PTH: variants seen among roughly 807,000 people sequenced by gnomAD.
PTH encodes parathormone.
A neutral mutation model predicts 7.4 loss-of-function variants in PTH; 7 were observed. That is an observed-to-expected ratio of 0.94 (90% CI 0.53 to 1.77). The LOEUF (loss-of-function observed/expected upper bound fraction) is 1.77, where lower values mean the gene tolerates loss of function less well. Among genes scored for constraint, PTH ranks in the 40% most tolerant of loss-of-function variants. PTH has a pLI of 0.00. For missense variants in PTH, 128 were observed against 137.1 expected, an observed-to-expected ratio of 0.93 and a Z score of 0.33; for synonymous variants, 51 against 46.6, an observed-to-expected ratio of 1.09 and a Z score of -0.39.
At position 13,492,303 on chromosome 11, in the gene PTH, A is replaced by C; in HGVS notation, c.*102T>G. On this transcript the variant is annotated 3_prime_UTR_variant, in exon 3 of 3. Coordinates refer to ENST00000282091, the MANE Select transcript of PTH (RefSeq NM_000315.4). ...GATTACATGTAGTTTGTTATATCAG[A>C]AATATTGGCACTTGGAAATCTTAAT... 1 of 1,462,916 alleles carries C rather than the reference A, an allele frequency of 6.8e-7. No individual in the cohort carries two copies. The allele number at this position is 1,462,916 out of a possible 1,614,324, so 90.6% of individuals were successfully genotyped here.
chr11:13,492,946 G>T (rs1847494992), intron 1 of PTH, 86 bp from the exon 2 acceptor site: 1 of 1,283,750 alleles, frequency 7.8e-7, no homozygotes, highest in South Asian at 1.3e-5. Context: ...TAACTAATTG[G>T]GTTGGTTTTC....
At chr11:13,496,137 C>G (rs755746923), upstream of PTH, 1 of 151,960 alleles carries the variant, frequency 6.6e-6, no homozygotes, top group East Asian at 1.9e-4. Context: ...ACCCATTGGG[C>G]GGTGCACACT....
rs116386346 is a variant in PTH at position 13,495,578 on chromosome 11, T to G, written c.-6+333A>C. 7.2e-3 allele frequency among the ~76,000 whole-genome samples: 1,095 copies of G among 152,306 alleles called. 18 individuals are homozygous for G. The highest frequency in any genetic ancestry group is 0.025 in the African/African-American group (1,042 of 41,568). ...TAAAGATTATTTAAATCAGAACTAT[T>G]CATTCACCATCAACCTGTTTTATTT... On this transcript the variant is annotated intron_variant, in intron 1 of 2. Coordinates refer to ENST00000282091, the MANE Select transcript of PTH (RefSeq NM_000315.4).
chr11:13,493,004 A>G (rs1335954311), intron 1 of PTH, 144 bp from the exon 2 acceptor site: 2 of 726,510 alleles, frequency 2.8e-6, no homozygotes, highest in African/African-American at 1.8e-5. Flanking sequence ...ATACATTAGT[A>G]TACATTATAT....
chr11:13,492,341 TAGC>T lies in PTH; in HGVS notation c.*61_*63del. ...TGGAAATCTTAATAGAGCTTTGAATTAGCAGCATGTATTGTTGCCCTACACTGT... is the reference window on the plus strand; with the variant it reads ...TGGAAATCTTAATAGAGCTTTGAATTAGCATGTATTGTTGCCCTACACTGT... On this transcript the variant is annotated 3_prime_UTR_variant, in exon 3 of 3. Coordinates refer to ENST00000282091, the MANE Select transcript of PTH (RefSeq NM_000315.4). The T allele has an allele frequency of 6.3e-7, 1 of 1,586,138 alleles. No individual in the cohort carries two copies. The highest frequency in any genetic ancestry group is 8.6e-7 in the Non-Finnish European group (1 of 1,167,030).
Position 13,492,413 on chromosome 11 carries a change from A to T in PTH, c.340T>A (p.Ser114Thr), listed in dbSNP as rs1191724867. 1 of 1,612,770 alleles carries T rather than the reference A, an allele frequency of 6.2e-7. No individual in the cohort carries two copies. The highest frequency in any genetic ancestry group is 1.7e-4 in the Middle Eastern group (1 of 6,058). Residue 114 changes from serine (S) to threonine (T), a missense_variant, in exon 3 of 3, where the codon TCC becomes ACC. Physicochemically the swap from Ser to Thr is moderately conservative, Grantham distance 58. Transcript: ENST00000282091. ...ADVNVLTKAK[S>T]Q ...AATATCTGTTTTCATTTTCACTGGG[A>T]TTTAGCTTTAGTTAATACATTCACA...
intron 1 of PTH, 146 bp from the exon 2 acceptor site, chr11:13,493,006 A>C: frequency 1.4e-6 from 1 of 723,238 alleles, no homozygotes; most frequent in South Asian, 1.9e-5. Context: ...ACATTAGTAT[A>C]CATTATATAT....
chr11:13,493,185 T>C (rs1393749293), intron 1 of PTH, among the ~76,000 whole-genome samples: 4 of 151,986 alleles, frequency 2.6e-5, no homozygotes, highest in African/African-American at 9.7e-5. Flanking sequence ...TAGTATTAAT[T>C]TCACAAACAG....
rs1211656385 is a variant in PTH, at chr11:13,492,863, A to T, written c.-5-3T>A. On this transcript the variant is annotated splice_polypyrimidine_tract_variant and splice_region_variant and intron_variant, in intron 1 of 2. Coordinates refer to ENST00000282091, the MANE Select transcript of PTH (RefSeq NM_000315.4). ...GTCTTTTGCAGGTATCATCTTCACT[A>T]AAAGGACAAGCAAAATGGAGGTATT... The T allele has an allele frequency of 6.2e-7, 1 of 1,610,728 alleles. No homozygotes were observed. Among genetic ancestry groups the T allele is most frequent in the Non-Finnish European group, 8.5e-7 (1 of 1,177,364 alleles).
chr11:13,493,035 A>G (rs990153721), intron 1 of PTH, among the ~76,000 whole-genome samples, 175 bp from the exon 2 acceptor site: 6 of 151,996 alleles, frequency 3.9e-5, no homozygotes, highest in African/African-American at 1.4e-4. Flanking sequence ...TTTAACTTAT[A>G]AATTAGTTTT....
chr11:13,493,551 T>C (rs114968784), intron 1 of PTH, among the ~76,000 whole-genome samples: 108 of 152,366 alleles, frequency 7.1e-4, no homozygotes, highest in African/African-American at 2.5e-3. Flanking sequence ...AATGTAACAC[T>C]GAATCTAGAT....
At chr11:13,495,187 T>C (rs1847524085) in intron 1 of PTH, among the ~76,000 whole-genome samples, 2 of 152,226 alleles carry the variant, frequency 1.3e-5, no homozygotes, top group African/African-American at 2.4e-5. Context: ...AATATAACTT[T>C]TGTCTCTTTC....
Position 13,492,510 on chromosome 11 carries a change from C to A in PTH, c.243G>T (p.Arg81Ser). 3 of 1,613,984 alleles carry A rather than the reference C, an allele frequency of 1.9e-6. No homozygotes were observed. Among genetic ancestry groups the A allele is most frequent in the Non-Finnish European group, 2.5e-6 (3 of 1,179,976 alleles). Residue 81 changes from arginine to serine, a missense_variant, in exon 3 of 3, where the codon AGG (arginine) becomes AGT (serine). Arg to Ser is a moderately radical substitution (Grantham distance 110, BLOSUM62 -1). Coordinates refer to ENST00000282091, the MANE Select transcript of PTH (RefSeq NM_000315.4). ...PLAPRDAGSQ[R>S]PRKKEDNVLV... ...AGACATTGTCTTCCTTTTTTCGGGG[C>A]CTCTGGGAACCAGCATCTCTGGGAG...
At position 13,492,102 on chromosome 11, in the gene PTH, G is replaced by T; in HGVS notation, c.*303C>A. The T allele has an allele frequency of 6.3e-6, 2 of 319,150 alleles. No homozygotes were observed. Among genetic ancestry groups the T allele is most frequent in the Non-Finnish European group, 1.2e-5 (2 of 171,400 alleles). The allele number at this position is 319,150 out of a possible 1,614,324, so 19.8% of individuals were successfully genotyped here. On this transcript the variant is annotated 3_prime_UTR_variant, in exon 3 of 3. Coordinates refer to ENST00000282091, the MANE Select transcript of PTH (RefSeq NM_000315.4). ...TTAGACTTATGATCATTACATTTTT[G>T]TTTTACATTTTAAGGTAGAAGAGAG...
intron 1 of PTH, among the ~76,000 whole-genome samples, chr11:13,495,025 T>C (rs189244490): frequency 2.6e-5 from 4 of 152,340 alleles, no homozygotes; most frequent in Admixed American, 1.3e-4. Context: ...ACTAAATTAA[T>C]TCACATTTCT....
Position 13,492,276 on chromosome 11 carries a change from T to C in PTH, c.*129A>G. On this transcript the variant is annotated 3_prime_UTR_variant, in exon 3 of 3. Coordinates refer to ENST00000282091, the MANE Select transcript of PTH (RefSeq NM_000315.4). ...AAATTGCAGTTATCATGGCTAGTGA[T>C]GGATTACATGTAGTTTGTTATATCA... The C allele has an allele frequency of 9.0e-7, 1 of 1,109,990 alleles. No homozygotes were observed. The highest frequency in any genetic ancestry group is 1.3e-6 in the Non-Finnish European group (1 of 771,058). The allele number at this position is 1,109,990 out of a possible 1,614,324, so 68.8% of individuals were successfully genotyped here.
In PTH at chr11:13,492,847, A is replaced by G. The variant is rs1006011428; in HGVS notation, c.9T>C (p.Pro3=). 6.2e-7 allele frequency: 1 copy of G among 1,613,672 alleles called. No homozygotes were observed. Among genetic ancestry groups the G allele is most frequent in the Non-Finnish European group, 8.5e-7 (1 of 1,179,774 alleles). MI[P]AKDMAKVMIV... ...TCATAACTTTAGCCATGTCTTTTGC[A>G]GGTATCATCTTCACTAAAAGGACAA... is the stretch of plus-strand genomic sequence containing the variant. Residue 3 remains proline, a synonymous_variant, in exon 2 of 3, where the codon CCT becomes CCC. Transcript: ENST00000282091.
rs556177505 is a variant in PTH, at chr11:13,492,298, A to G, written c.*107T>C. ...TGATGGATTACATGTAGTTTGTTAT[A>G]TCAGAAATATTGGCACTTGGAAATC... On this transcript the variant is annotated 3_prime_UTR_variant, in exon 3 of 3. Coordinates refer to ENST00000282091, the MANE Select transcript of PTH (RefSeq NM_000315.4). 328 of 1,398,816 alleles carry G rather than the reference A, an allele frequency of 2.3e-4. 5 individuals are homozygous for G. In the South Asian group the frequency reaches 3.9e-3, roughly 17 times the overall value. 86.7% of individuals were successfully genotyped at this position (1,398,816 alleles called of 1,614,324 possible).
intron 1 of PTH, among the ~76,000 whole-genome samples, chr11:13,493,606 T>C (rs776566712): frequency 1.3e-5 from 2 of 152,240 alleles, no homozygotes; most frequent in Non-Finnish European, 2.9e-5. Context: ...TAACTGTGAC[T>C]TGGGGTAAAC....
Sources: allele counts gnomAD v4.1 joint callset (sites outside exome capture counted in the v4.1 genomes callset), GRCh38; gene constraint gnomAD v4.1.1; transcripts MANE v1.5; gene names NCBI Gene and HGNC (gene_info 2026-07-23, HGNC 2026-07-21).